Variants in CDH4 observed in about 807,000 individuals in gnomAD.
CDH4 encodes the protein cadherin 4, also known as cadherin-4.
Under a neutral mutation model 86.0 loss-of-function variants are expected in CDH4, and 33 were observed. The ratio of observed to expected loss-of-function variants is 0.38; its 90% confidence interval spans 0.29 to 0.51. CDH4 has a LOEUF of 0.51. Ranked by LOEUF, CDH4 falls within the 20% of genes least tolerant of loss-of-function variation. The pLI is 0.86. For synonymous variants in CDH4, 555 were observed against 549.4 expected (o/e 1.01, Z -0.14); for missense variants, 1,114 against 1,307.4 (o/e 0.85, Z 2.28).
chr20:61,405,304 A>G (rs6061337), intron 2 of CDH4, among the ~76,000 whole-genome samples: 88,287 of 150,532 alleles, frequency 0.59, 27,196 homozygotes, highest in African/African-American at 0.79. Context: ...CTAGTGTGCC[A>G]CTTCCATACT....
At chr20:61,794,706 C>A (rs1018490203) in intron 4 of CDH4, among the ~76,000 whole-genome samples, 1 of 152,300 alleles carries the variant, frequency 6.6e-6, no homozygotes, top group Middle Eastern at 3.4e-3. Flanking sequence ...TATGGCTGGT[C>A]CCATGCACCT....
At chr20:61,726,079 A>C (rs143907522) in intron 2 of CDH4, among the ~76,000 whole-genome samples, 2 of 151,656 alleles carry the variant, frequency 1.3e-5, no homozygotes, top group Admixed American at 1.3e-4. Context: ...GCCCCCAGCC[A>C]CCACGACCAG....
intron 2 of CDH4, among the ~76,000 whole-genome samples, chr20:61,671,922 G>A (rs2087393783): frequency 6.6e-6 from 1 of 151,686 alleles, no homozygotes; most frequent in South Asian, 2.1e-4. Context: ...GTAGGTGGAT[G>A]CAGGATGGAT....
intron 2 of CDH4, among the ~76,000 whole-genome samples, chr20:61,331,668 G>GACCCGACCACCTCCCCCAGA (rs1568801242): frequency 2.8e-5 from 1 of 36,204 alleles, no homozygotes; most frequent in Non-Finnish European, 6.2e-5. Flanking sequence ...CCTGCCCCAG[G>GACCCGACCACCTCCCCCAGA]CTCACCTCCT....
chr20:61,896,565 C>T (rs933309284), intron 8 of CDH4, among the ~76,000 whole-genome samples: 5 of 152,356 alleles, frequency 3.3e-5, no homozygotes, highest in Middle Eastern at 3.4e-3. Flanking sequence ...AGGCAGCAAG[C>T]GGCCAGGGCA....
chr20:61,292,097 C>CA (rs1327391855), intron 2 of CDH4, among the ~76,000 whole-genome samples: 1 of 152,168 alleles, frequency 6.6e-6, no homozygotes, highest in African/African-American at 2.4e-5. Context: ...TAGCTCAAAG[C>CA]AGAACTACCA....
chr20:61,844,930 G>A (rs1982367785), intron 5 of CDH4, 107 bp downstream of exon 5: 6 of 1,158,590 alleles, frequency 5.2e-6, no homozygotes, highest in Non-Finnish European at 7.1e-6. Flanking sequence ...TAACTCTACA[G>A]GCAGCACTCC....
intron 4 of CDH4, among the ~76,000 whole-genome samples, chr20:61,843,142 G>A (rs1240917354): frequency 6.6e-6 from 1 of 151,400 alleles, no homozygotes. Context: ...AGGCCAAGGT[G>A]GGAGGATCGC....
chr20:61,487,054 T>G (rs1282077448), intron 2 of CDH4, among the ~76,000 whole-genome samples: 2 of 152,192 alleles, frequency 1.3e-5, no homozygotes, highest in African/African-American at 4.8e-5. Flanking sequence ...TATGTTATCT[T>G]CCAGGAGTTT....
intron 2 of CDH4, among the ~76,000 whole-genome samples, chr20:61,362,728 G>C (rs904037853): frequency 6.6e-6 from 1 of 152,072 alleles, no homozygotes; most frequent in Non-Finnish European, 1.5e-5. Context: ...TGGATGGGGT[G>C]GGGGGCACTC....
chr20:61,836,771 G>A (rs1409376130), intron 4 of CDH4, among the ~76,000 whole-genome samples: 3 of 152,224 alleles, frequency 2.0e-5, no homozygotes, highest in Admixed American at 6.5e-5. Context: ...CCAGTACCAT[G>A]GCAAGGGCTT....
chr20:61,896,715 G>C (rs1444446846), intron 8 of CDH4, among the ~76,000 whole-genome samples: 1 of 152,210 alleles, frequency 6.6e-6, no homozygotes, highest in Non-Finnish European at 1.5e-5. Context: ...GCTCTCTTCC[G>C]GCCAGTGAGC....
intron 4 of CDH4, among the ~76,000 whole-genome samples, chr20:61,795,570 G>C (rs1979493522): frequency 6.6e-6 from 1 of 152,208 alleles, no homozygotes. Context: ...GGGAAGAGAG[G>C]CGTGAGCAGA....
intron 4 of CDH4, among the ~76,000 whole-genome samples, chr20:61,812,483 G>A (rs567163835): frequency 4.6e-4 from 70 of 152,248 alleles, no homozygotes; most frequent in African/African-American, 1.6e-3. Context: ...GCCTGGTACC[G>A]ACTGCACCAG....
intron 2 of CDH4, among the ~76,000 whole-genome samples, chr20:61,699,637 C>T (rs911607586): frequency 1.3e-5 from 2 of 152,216 alleles, no homozygotes; most frequent in Non-Finnish European, 2.9e-5. Context: ...CAACCTTTCT[C>T]GAGCCTGTGT....
chr20:61,354,900 C>T (rs528418250), intron 2 of CDH4, among the ~76,000 whole-genome samples: 3 of 152,312 alleles, frequency 2.0e-5, no homozygotes, highest in African/African-American at 7.2e-5. Flanking sequence ...TGGCTGCCGA[C>T]GCAGCTTACT....
rs568329088 is a variant in CDH4, at chr20:61,333,359, G to A, written c.169+78422G>A. On this transcript the variant is annotated intron_variant, in intron 2 of 15. Transcript: ENST00000614565. ...GACATTTGGCAAAATCTGAGTCATA[G>A]AAACCTCAATTCAGACATTGCAGGG... Among the ~76,000 whole-genome samples the A allele has an allele frequency of 9.6e-4, 146 of 152,306 alleles. 1 individual carries two copies. The highest frequency in any genetic ancestry group is 3.1e-3 in the African/African-American group (130 of 41,552).
At chr20:61,538,688 G>A (rs757195351) in intron 2 of CDH4, among the ~76,000 whole-genome samples, 3 of 152,098 alleles carry the variant, frequency 2.0e-5, no homozygotes, top group Non-Finnish European at 4.4e-5. Context: ...TCCCCAGGAG[G>A]GTGGATGGGA....
intron 2 of CDH4, among the ~76,000 whole-genome samples, chr20:61,451,603 A>G (rs2085380953): frequency 2.0e-5 from 3 of 152,102 alleles, no homozygotes; most frequent in African/African-American, 7.2e-5. Context: ...AGATCGCCGG[A>G]GCCCTGAGAG....
Sources: gnomAD v4.1 joint callset for allele counts (sites outside exome capture counted in the v4.1 genomes callset) on GRCh38, gnomAD v4.1.1 for gene constraint, MANE v1.5 for transcripts, NCBI Gene and HGNC (gene_info 2026-07-23, HGNC 2026-07-21) for gene names.